SEMA3C: variants seen among roughly 807,000 people sequenced by gnomAD.
SEMA3C encodes semaphorin-3C.
SEMA3C carries 47 observed loss-of-function variants against 89.4 expected under a neutral mutation model. The observed-to-expected ratio is 0.53, with a 90% CI of 0.42 to 0.67. SEMA3C has a LOEUF of 0.67. Ranked by LOEUF, SEMA3C falls within the 30% of genes least tolerant of loss-of-function variation. SEMA3C has a pLI of 0.00. For synonymous variants in SEMA3C, 310 were observed against 320.2 expected, an observed-to-expected ratio of 0.97 and a Z score of 0.34; for missense variants, 839 against 929.1, an observed-to-expected ratio of 0.90 and a Z score of 1.26.
At chr7:80,921,538 T>C (rs536393790), upstream of SEMA3C, among the ~76,000 whole-genome samples, 1 of 152,202 alleles carries the variant, frequency 6.6e-6, no homozygotes, top group Non-Finnish European at 1.5e-5. Flanking sequence ...ACCACTTTTT[T>C]AAGACTTCAG....
chr7:80,829,541 T>C (rs973789763), intron 2 of SEMA3C, among the ~76,000 whole-genome samples: 3 of 152,186 alleles, frequency 2.0e-5, no homozygotes, highest in African/African-American at 7.2e-5. Flanking sequence ...TATTTTTCTA[T>C]AAATTACTTG....
intron 2 of SEMA3C, among the ~76,000 whole-genome samples, chr7:80,882,412 C>CTTTTTTTTTTTT (rs763742493): frequency 4.3e-5 from 2 of 46,664 alleles, no homozygotes; most frequent in Non-Finnish European, 8.1e-5. Context: ...GTAAGGGATG[C>CTTTTTTTTTTTT]TTTTTTTTTT....
chr7:80,827,523 A>G, intron 3 of SEMA3C, 36 bp from the exon 4 acceptor site: 7 of 1,569,016 alleles, frequency 4.5e-6, no homozygotes, highest in Non-Finnish European at 6.1e-6. Flanking sequence ...GCATAATCTC[A>G]CCTGGACATA....
At chr7:80,781,822 G>A (rs1375746359) in intron 12 of SEMA3C, among the ~76,000 whole-genome samples, 1 of 152,096 alleles carries the variant, frequency 6.6e-6, no homozygotes, top group East Asian at 1.9e-4. Context: ...TCAGGGATGT[G>A]GTCTGACTGT....
At chr7:80,749,752 A>G (rs1314178109) in intron 16 of SEMA3C, among the ~76,000 whole-genome samples, 1 of 152,160 alleles carries the variant, frequency 6.6e-6, no homozygotes, top group African/African-American at 2.4e-5. Context: ...GGTAGCTTAG[A>G]CATGGACAGA....
upstream of SEMA3C, chr7:80,919,120 C>T: frequency 2.0e-6 from 2 of 984,866 alleles, no homozygotes; most frequent in Non-Finnish European, 2.4e-6. Flanking sequence ...CGGCGCGCGG[C>T]TCCGGCTGCC....
At chr7:80,774,797 T>C (rs908047141) in intron 12 of SEMA3C, among the ~76,000 whole-genome samples, 6 of 152,006 alleles carry the variant, frequency 3.9e-5, no homozygotes, top group Middle Eastern at 3.4e-3. Context: ...AGAAGAAAAA[T>C]ACTTGAAAAA....
At chr7:80,890,616 TCC>T (rs1322444132) in intron 2 of SEMA3C, among the ~76,000 whole-genome samples, 5 of 152,158 alleles carry the variant, frequency 3.3e-5, no homozygotes, top group Non-Finnish European at 5.9e-5. Flanking sequence ...GGCTGAACTT[TCC>T]CCAACTGGCT....
At chr7:80,857,955 C>T (rs998437302) in intron 2 of SEMA3C, among the ~76,000 whole-genome samples, 45 of 152,016 alleles carry the variant, frequency 3.0e-4, no homozygotes, top group African/African-American at 9.9e-4. Flanking sequence ...AAGTGGAAAA[C>T]TCATTCAAAT....
chr7:80,844,372 T>C (rs1790340802), intron 2 of SEMA3C, among the ~76,000 whole-genome samples: 1 of 152,204 alleles, frequency 6.6e-6, no homozygotes, highest in Admixed American at 6.5e-5. Context: ...TCTAAGATTT[T>C]ACATAAATTA....
intron 2 of SEMA3C, among the ~76,000 whole-genome samples, 192 bp downstream of exon 2, chr7:80,916,487 T>A (rs1792277786): frequency 6.6e-6 from 1 of 152,180 alleles, no homozygotes; most frequent in African/African-American, 2.4e-5. Context: ...CATAAATACC[T>A]CAAATCCAAC....
At chr7:80,875,404 A>T (rs1344074398) in intron 2 of SEMA3C, among the ~76,000 whole-genome samples, 1 of 152,158 alleles carries the variant, frequency 6.6e-6, no homozygotes, top group Admixed American at 6.5e-5. Context: ...CTCAGTATAT[A>T]TATTACTTAA....
Position 80,822,403 on chromosome 7 carries a change from AAATAAATAAAAAT to A in SEMA3C, c.328-3998_328-3986del, listed in dbSNP as rs751327726. On this transcript the variant is annotated intron_variant, in intron 4 of 17. Coordinates refer to ENST00000265361, the MANE Select transcript of SEMA3C (RefSeq NM_006379.5). Reference sequence around the variant, plus strand: ...CAAAAAAAAATAAATAAATAAAAATAAATAAATAAAAATAAAAAAAAAACAGCATGAACAGAAA... The same window carrying A: ...CAAAAAAAAATAAATAAATAAAAATAAAAAAAAAAACAGCATGAACAGAAA... 6.9e-3 allele frequency among the ~76,000 whole-genome samples: 893 copies of A among 128,922 alleles called. 8 individuals are homozygous for A. Among genetic ancestry groups the A allele is most frequent in the South Asian group, 0.041 (174 of 4,210 alleles). 84.6% of individuals were successfully genotyped at this position (128,922 alleles called of 152,430 possible).
chr7:80,865,748 C>T (rs965583110), intron 2 of SEMA3C, among the ~76,000 whole-genome samples: 2 of 151,966 alleles, frequency 1.3e-5, no homozygotes, highest in African/African-American at 2.4e-5. Context: ...GAGCAGAGAT[C>T]GCGCCATTGC....
At position 80,815,554 on chromosome 7, in the gene SEMA3C, C is replaced by CAAAAAAAAAAA. The variant is rs761990267; in HGVS notation, c.447+2734_447+2744dup. 7.0e-4 allele frequency among the ~76,000 whole-genome samples: 41 copies of CAAAAAAAAAAA among 58,838 alleles called. 2 individuals carry two copies. Among genetic ancestry groups the CAAAAAAAAAAA allele is most frequent in the African/African-American group, 2.1e-3 (33 of 15,568 alleles). The allele number at this position is 58,838 out of a possible 152,430, so 38.6% of individuals were successfully genotyped here. A position where few individuals can be genotyped will look rare whatever the true frequency, so the allele number is the denominator to read the frequency against. On this transcript the variant is annotated intron_variant, in intron 5 of 17. Transcript: ENST00000265361. ...AAACCCAATCCTTTCTTTAAATGGG[C>CAAAAAAAAAAA]AAAAAAAAAAAAAAAAAAAGTAAAT...
intron 2 of SEMA3C, among the ~76,000 whole-genome samples, chr7:80,876,598 T>C (rs978592878): frequency 1.3e-4 from 20 of 152,222 alleles, no homozygotes; most frequent in African/African-American, 4.6e-4. Flanking sequence ...GCAAAGTGTG[T>C]TCCCAAATAA....
chr7:80,773,457 G>A (rs1399323286), intron 12 of SEMA3C, among the ~76,000 whole-genome samples: 2 of 152,154 alleles, frequency 1.3e-5, no homozygotes, highest in Non-Finnish European at 2.9e-5. Flanking sequence ...CCATGATGGA[G>A]TAATTGATAC....
At chr7:80,919,811 G>C (rs1792375030), upstream of SEMA3C, among the ~76,000 whole-genome samples, 1 of 152,036 alleles carries the variant, frequency 6.6e-6, no homozygotes, top group African/African-American at 2.4e-5. Context: ...TTGACCTAAT[G>C]GTCCGCCCGC....
intron 12 of SEMA3C, 152 bp from the exon 13 acceptor site, chr7:80,765,395 A>AT (rs1788275798): frequency 1.8e-6 from 1 of 553,580 alleles, no homozygotes; most frequent in Non-Finnish European, 3.2e-6. Context: ...TGCTGAATGT[A>AT]TTCCAAATCT....
Sources: allele counts gnomAD v4.1 joint callset (sites outside exome capture counted in the v4.1 genomes callset), GRCh38; gene constraint gnomAD v4.1.1; transcripts MANE v1.5; gene names NCBI Gene and HGNC (gene_info 2026-07-23, HGNC 2026-07-21).